TMTC2: variants seen among roughly 807,000 people sequenced by gnomAD.
The protein encoded by TMTC2 is protein O-mannosyl-transferase TMTC2.
A neutral mutation model predicts 82.4 loss-of-function variants in TMTC2; 43 were observed. That is an observed-to-expected ratio of 0.52 (90% CI 0.41 to 0.67). The LOEUF (loss-of-function observed/expected upper bound fraction) is 0.67. Among genes scored for constraint, TMTC2 ranks in the 30% least tolerant of loss-of-function variants. The pLI, the probability that TMTC2 is intolerant of heterozygous loss-of-function variation, is 0.00. For missense variants in TMTC2, 919 were observed against 1,012.4 expected (o/e 0.91, Z 1.25); for synonymous variants, 408 against 381.9 (o/e 1.07, Z -0.80).
At chr12:83,043,297 G>A (rs1881965038) in intron 9 of TMTC2, among the ~76,000 whole-genome samples, 1 of 152,124 alleles carries the variant, frequency 6.6e-6, no homozygotes, top group African/African-American at 2.4e-5. Context: ...TGACTGCTGT[G>A]TTATCATCAA....
At chr12:82,701,780 A>T (rs1407137775) in intron 1 of TMTC2, among the ~76,000 whole-genome samples, 1 of 151,852 alleles carries the variant, frequency 6.6e-6, no homozygotes, top group East Asian at 1.9e-4. Flanking sequence ...AAAAGAAAAA[A>T]AGAATATTAA....
In TMTC2 at chr12:83,052,167, T is replaced by C. The variant is rs534505548; in HGVS notation, c.2267+1149T>C. ...CAAGGAAAGAATAATAACAGAGAAG[T>C]TGGTTCACAATTGGATGGTGACATC... On this transcript the variant is annotated intron_variant, in intron 10 of 11. Transcript: ENST00000321196. Among the ~76,000 whole-genome samples, 11 of 152,164 alleles carry C rather than the reference T, an allele frequency of 7.2e-5. 1 individual carries two copies. The highest frequency in any genetic ancestry group is 4.6e-4 in the Admixed American group (7 of 15,280).
At chr12:82,791,406 T>G (rs896189281) in intron 1 of TMTC2, among the ~76,000 whole-genome samples, 25 of 152,150 alleles carry the variant, frequency 1.6e-4, no homozygotes, top group African/African-American at 5.5e-4. Context: ...GAATGAATGG[T>G]GAAATTAAGA....
intron 11 of TMTC2, among the ~76,000 whole-genome samples, chr12:83,070,577 C>T (rs1012110476): frequency 6.6e-6 from 1 of 152,034 alleles, no homozygotes; most frequent in Non-Finnish European, 1.5e-5. Context: ...TTTATTAGTT[C>T]TAGGAGCTTT....
intron 2 of TMTC2, 146 bp from the exon 3 acceptor site, chr12:82,895,672 G>A: frequency 1.6e-6 from 1 of 626,184 alleles, no homozygotes; most frequent in East Asian, 2.9e-5. Flanking sequence ...GTGCTTGAAA[G>A]GTGATGGACA....
chr12:83,008,847 G>A (rs931679465), intron 8 of TMTC2, among the ~76,000 whole-genome samples: 4 of 152,106 alleles, frequency 2.6e-5, no homozygotes, highest in African/African-American at 7.2e-5. Context: ...TTTCTCTTCC[G>A]TTCTGATTGT....
At chr12:82,811,092 C>T (rs371439518) in intron 1 of TMTC2, among the ~76,000 whole-genome samples, 119 of 151,956 alleles carry the variant, frequency 7.8e-4, no homozygotes, top group Non-Finnish European at 1.4e-3. Flanking sequence ...ATTAGCCAGG[C>T]GTGGTGGCCT....
chr12:83,105,145 C>T (rs1352260073), intron 11 of TMTC2, among the ~76,000 whole-genome samples: 3 of 152,210 alleles, frequency 2.0e-5, no homozygotes, highest in Non-Finnish European at 4.4e-5. Flanking sequence ...CTGGACTTCA[C>T]GGTCCGTATT....
chr12:83,132,254 T>C lies in TMTC2; in HGVS notation c.2376T>C (p.Asn792=), dbSNP rs748713681. The part of the protein sequence containing the change: ...LMNLGAILHL[N]GRLQKAEANY... ...ACCTGGGAGCCATTCTGCACCTCAA[T>C]GGCAGACTCCAGAAGGCCGAGGCCA... Residue 792 remains asparagine, a synonymous_variant, in exon 12 of 12, where the codon AAT becomes AAC. Transcript: ENST00000321196. 1.9e-6 allele frequency: 3 copies of C among 1,613,832 alleles called. No individual in the cohort carries two copies. The East Asian group carries it at 6.7e-5, about 36-fold the overall frequency.
intron 11 of TMTC2, among the ~76,000 whole-genome samples, chr12:83,093,119 G>T (rs966926778): frequency 1.3e-5 from 2 of 152,018 alleles, no homozygotes; most frequent in Admixed American, 1.3e-4. Context: ...ACATGTATGT[G>T]CATGCACACA....
At chr12:82,802,646 G>T (rs1017570941) in intron 1 of TMTC2, among the ~76,000 whole-genome samples, 2 of 152,140 alleles carry the variant, frequency 1.3e-5, no homozygotes, top group Admixed American at 6.6e-5. Context: ...TGACAAAATA[G>T]GGTAAAGGAG....
intron 1 of TMTC2, among the ~76,000 whole-genome samples, chr12:82,773,954 A>G (rs1405815448): frequency 1.3e-5 from 2 of 152,074 alleles, no homozygotes; most frequent in African/African-American, 4.8e-5. Flanking sequence ...TAAGCTATGT[A>G]TATGTATTTT....
chr12:83,048,939 G>C (rs544009135), intron 9 of TMTC2, among the ~76,000 whole-genome samples: 1 of 152,186 alleles, frequency 6.6e-6, no homozygotes, highest in East Asian at 1.9e-4. Context: ...AAAGTGCTGG[G>C]ATTACAGGCG....
chr12:82,754,037 T>C (rs1876163609), intron 1 of TMTC2, among the ~76,000 whole-genome samples: 1 of 152,116 alleles, frequency 6.6e-6, no homozygotes, highest in African/African-American at 2.4e-5. Flanking sequence ...AATCAGGAGA[T>C]TGAGATTTAT....
chr12:82,939,226 G>A (rs1485917752), intron 4 of TMTC2, among the ~76,000 whole-genome samples: 9 of 151,948 alleles, frequency 5.9e-5, no homozygotes, highest in Non-Finnish European at 1.3e-4. Context: ...CTATTGTGTA[G>A]GCTTTTTTCT....
intron 11 of TMTC2, among the ~76,000 whole-genome samples, chr12:83,128,153 A>G (rs1053232319): frequency 1.1e-4 from 16 of 152,148 alleles, no homozygotes; most frequent in South Asian, 2.1e-4. Flanking sequence ...ATAAAAGACC[A>G]TGTGTATAGG....
At chr12:82,813,779 T>G (rs1868533709) in intron 1 of TMTC2, among the ~76,000 whole-genome samples, 1 of 152,132 alleles carries the variant, frequency 6.6e-6, no homozygotes, top group Non-Finnish European at 1.5e-5. Context: ...ACTTATTGAT[T>G]TAATGTTTAT....
At chr12:83,047,011 T>C (rs1882168970) in intron 9 of TMTC2, among the ~76,000 whole-genome samples, 1 of 152,188 alleles carries the variant, frequency 6.6e-6, no homozygotes, top group Non-Finnish European at 1.5e-5. Flanking sequence ...GAAGGAAATG[T>C]TTTGGGCATA....
chr12:82,836,905 T>C (rs1870074350), intron 1 of TMTC2, among the ~76,000 whole-genome samples: 1 of 152,192 alleles, frequency 6.6e-6, no homozygotes, highest in Admixed American at 6.5e-5. Flanking sequence ...GGACTTTGTG[T>C]AGTAGGTTGT....
Sources: allele counts gnomAD v4.1 joint callset (sites outside exome capture counted in the v4.1 genomes callset), GRCh38; gene constraint gnomAD v4.1.1; transcripts MANE v1.5; gene names NCBI Gene and HGNC (gene_info 2026-07-23, HGNC 2026-07-21).